The following ATG7 variants were observed in gnomAD, a reference collection of about 807,000 sequenced individuals.
ATG7 encodes autophagy related 7, also known as ubiquitin-like modifier-activating enzyme ATG7.
Under a neutral mutation model 82.4 loss-of-function variants are expected in ATG7, and 70 were observed. That is an observed-to-expected ratio of 0.85 (90% CI 0.70 to 1.04). The LOEUF is 1.04. Ranked by LOEUF, ATG7 falls within the 50% of genes least tolerant of loss-of-function variation. The pLI, the probability that ATG7 is intolerant of heterozygous loss-of-function variation, is 0.00. For synonymous variants in ATG7, 287 were observed against 313.0 expected (o/e 0.92, Z 0.88); for missense variants, 792 against 864.3 (o/e 0.92, Z 1.05).
intron 20 of ATG7, among the ~76,000 whole-genome samples, chr3:11,511,787 T>A (rs2092074939): frequency 6.6e-6 from 1 of 152,136 alleles, no homozygotes; most frequent in Non-Finnish European, 1.5e-5. Context: ...ACAGCACCGG[T>A]GGGCTGGTAC....
intron 20 of ATG7, among the ~76,000 whole-genome samples, chr3:11,495,044 C>T (rs973091863): frequency 6.6e-6 from 1 of 151,944 alleles, no homozygotes; most frequent in African/African-American, 2.4e-5. Flanking sequence ...TGCACTCCAG[C>T]CTGGGTGACA....
At chr3:11,466,797 T>A (rs1191134222) in intron 20 of ATG7, among the ~76,000 whole-genome samples, 1 of 152,210 alleles carries the variant, frequency 6.6e-6, no homozygotes, top group African/African-American at 2.4e-5. Flanking sequence ...TGTTCACAGA[T>A]CTCAGAAATT....
chr3:11,418,210 TC>T (rs946534512), intron 19 of ATG7, among the ~76,000 whole-genome samples: 7 of 148,832 alleles, frequency 4.7e-5, no homozygotes, highest in African/African-American at 1.5e-4. Context: ...GTTTAAGCCA[TC>T]CTCCCACCAT....
intron 3 of ATG7, among the ~76,000 whole-genome samples, chr3:11,292,118 A>G (rs773392317): frequency 6.6e-6 from 1 of 152,222 alleles, no homozygotes; most frequent in Non-Finnish European, 1.5e-5. Flanking sequence ...GAAGGCAGGC[A>G]GACCTAGACA....
chr3:11,377,480 C>G (rs1485227387), intron 18 of ATG7, among the ~76,000 whole-genome samples: 1 of 152,158 alleles, frequency 6.6e-6, no homozygotes, highest in Non-Finnish European at 1.5e-5. Flanking sequence ...TTCCTCTCTC[C>G]CTTTCTACCC....
intron 20 of ATG7, among the ~76,000 whole-genome samples, chr3:11,463,315 G>A (rs938231833): frequency 2.0e-5 from 3 of 152,148 alleles, no homozygotes; most frequent in African/African-American, 7.2e-5. Context: ...AGCAGAAGAG[G>A]CCTCCCTTCA....
chr3:11,553,079 CCGGAGGACA>C (rs1013057178), intron 20 of ATG7, among the ~76,000 whole-genome samples: 2 of 152,088 alleles, frequency 1.3e-5, no homozygotes, highest in Non-Finnish European at 2.9e-5. Flanking sequence ...GCAGGAGGTC[CCGGAGGACA>C]CGGCCCACAA....
At chr3:11,409,745 G>A (rs529855951) in intron 19 of ATG7, among the ~76,000 whole-genome samples, 15 of 148,966 alleles carry the variant, frequency 1.0e-4, no homozygotes, top group African/African-American at 3.0e-4. Flanking sequence ...GTTATTTTTT[G>A]TGATGGGGTG....
intron 20 of ATG7, among the ~76,000 whole-genome samples, chr3:11,455,026 G>A (rs867441838): frequency 6.6e-6 from 1 of 152,156 alleles, no homozygotes. Flanking sequence ...TAAAAGTTCA[G>A]CTTTATTTCT....
chr3:11,540,965 T>G (rs1029464444), intron 20 of ATG7, among the ~76,000 whole-genome samples: 12 of 147,472 alleles, frequency 8.1e-5, no homozygotes, highest in African/African-American at 3.0e-4. Flanking sequence ...AGTGGTGCAA[T>G]CTTGGCTCAC....
At chr3:11,403,335 C>CT (rs59538035) in intron 19 of ATG7, among the ~76,000 whole-genome samples, 4,363 of 144,838 alleles carry the variant, frequency 0.03, 182 homozygotes, top group African/African-American at 0.099. Flanking sequence ...CAAGGGTTTT[C>CT]TTTTTTTTTT....
At chr3:11,286,909 TTTA>T (rs5846701) in intron 3 of ATG7, among the ~76,000 whole-genome samples, 119,866 of 149,112 alleles carry the variant, frequency 0.8, 48,454 homozygotes, top group East Asian at 0.93. Flanking sequence ...CCAACCTTTT[TTTA>T]TTATTATTAT....
At chr3:11,294,914 AC>A (rs1162197679) in intron 3 of ATG7, among the ~76,000 whole-genome samples, 6 of 152,168 alleles carry the variant, frequency 3.9e-5, no homozygotes, top group Non-Finnish European at 7.3e-5. Context: ...GGAGTTCGAG[AC>A]CAGCCTGGCC....
chr3:11,511,965 G>A (rs563875594), intron 20 of ATG7, among the ~76,000 whole-genome samples: 19 of 152,212 alleles, frequency 1.2e-4, no homozygotes, highest in East Asian at 3.9e-4. Context: ...CCTGGTTCCC[G>A]CTCGTGCCTC....
chr3:11,551,716 C>T (rs372412959), intron 20 of ATG7, among the ~76,000 whole-genome samples: 8 of 152,146 alleles, frequency 5.3e-5, no homozygotes, highest in East Asian at 3.9e-4. Flanking sequence ...AGGCACGAGC[C>T]GCTGTGCCCA....
chr3:11,273,428 C>T (rs1017912889), intron 1 of ATG7, among the ~76,000 whole-genome samples: 6 of 152,208 alleles, frequency 3.9e-5, no homozygotes, highest in Admixed American at 3.9e-4. Flanking sequence ...CACTGTTCCT[C>T]CTTCAGGCTC....
downstream of ATG7, chr3:11,559,399 C>A: frequency 6.4e-7 from 1 of 1,561,234 alleles, no homozygotes. Context: ...TGGGGCAGTG[C>A]GAGAGGTTGC....
chr3:11,326,648 C>T (rs1042011348), intron 9 of ATG7, among the ~76,000 whole-genome samples: 4 of 152,232 alleles, frequency 2.6e-5, no homozygotes, highest in African/African-American at 7.2e-5. Context: ...GTTGAAGCGA[C>T]GATTGCTAAA....
At chr3:11,453,747 G>T (rs1056004837) in intron 20 of ATG7, among the ~76,000 whole-genome samples, 4 of 152,008 alleles carry the variant, frequency 2.6e-5, no homozygotes, top group Non-Finnish European at 4.4e-5. Context: ...GCCATCCTGC[G>T]TCTGCCTGCA....
Sources: allele counts gnomAD v4.1 joint callset (sites outside exome capture counted in the v4.1 genomes callset), GRCh38; gene constraint gnomAD v4.1.1; transcripts MANE v1.5; gene names NCBI Gene and HGNC (gene_info 2026-07-23, HGNC 2026-07-21).